Variants in DGKG observed in about 807,000 individuals in gnomAD.
The protein encoded by DGKG is DAG kinase gamma.
Under a neutral mutation model 105.3 loss-of-function variants are expected in DGKG, and 78 were observed. The observed-to-expected ratio is 0.74, with a 90% confidence interval of 0.62 to 0.89. The LOEUF (loss-of-function observed/expected upper bound fraction) is 0.89. Among genes scored for constraint, DGKG ranks in the 40% least tolerant of loss-of-function variants. DGKG has a pLI of 0.00. For synonymous variants in DGKG, 346 were observed against 367.1 expected (o/e 0.94, Z 0.66); for missense variants, 958 against 1,020.1 (o/e 0.94, Z 0.83).
rs189768644 is a variant in DGKG, at chr3:186,323,428, T to C, written c.-248-2721A>G. Reference sequence around the variant, plus strand: ...AATATTGCTGTCCCTGTTTTGCGGATGAGAAAAAAATGAGGTTAGGTATTT... The same window carrying C: ...AATATTGCTGTCCCTGTTTTGCGGACGAGAAAAAAATGAGGTTAGGTATTT... On this transcript the variant is annotated intron_variant, in intron 1 of 24. Coordinates refer to ENST00000265022, the MANE Select transcript of DGKG (RefSeq NM_001346.3). 4.2e-3 allele frequency among the ~76,000 whole-genome samples: 639 copies of C among 152,254 alleles called. 5 individuals are homozygous for C. Among genetic ancestry groups the C allele is most frequent in the African/African-American group, 0.015 (614 of 41,532 alleles).
chr3:186,195,661 T>C (rs1043726177), intron 21 of DGKG, among the ~76,000 whole-genome samples: 3 of 152,220 alleles, frequency 2.0e-5, no homozygotes. Flanking sequence ...ACCCCCTTCT[T>C]GGTGATGCTG....
chr3:186,262,527 C>T (rs1254063713), intron 14 of DGKG, among the ~76,000 whole-genome samples: 2 of 152,196 alleles, frequency 1.3e-5, no homozygotes, highest in African/African-American at 4.8e-5. Flanking sequence ...TCCCAGGACA[C>T]CAGGTCAGCC....
chr3:186,355,292 C>T (rs149200836), intron 1 of DGKG, among the ~76,000 whole-genome samples: 47 of 78,612 alleles, frequency 6.0e-4, no homozygotes, highest in African/African-American at 1.3e-3. Context: ...TCATCATCAC[C>T]ACCATTATTG....
intron 5 of DGKG, among the ~76,000 whole-genome samples, chr3:186,294,868 T>G (rs1723475425): frequency 6.6e-6 from 1 of 152,200 alleles, no homozygotes; most frequent in South Asian, 2.1e-4. Flanking sequence ...AGCAATTTTG[T>G]GGAGTCTTGG....
At chr3:186,337,099 A>C (rs773072921) in intron 1 of DGKG, among the ~76,000 whole-genome samples, 5 of 152,238 alleles carry the variant, frequency 3.3e-5, no homozygotes, top group Non-Finnish European at 5.9e-5. Flanking sequence ...ATTCCAGAGC[A>C]TAGAAAAATA....
intron 20 of DGKG, among the ~76,000 whole-genome samples, chr3:186,239,284 G>T (rs561430861): frequency 6.6e-6 from 1 of 152,290 alleles, no homozygotes; most frequent in African/African-American, 2.4e-5. Flanking sequence ...GTCCAAACCT[G>T]GGCAGTAATG....
chr3:186,320,615 G>C lies in DGKG; in HGVS notation c.-156C>G, dbSNP rs1042231989. 5 of 1,240,522 alleles carry C rather than the reference G, an allele frequency of 4.0e-6. No individual in the cohort carries two copies. The highest frequency in any genetic ancestry group is 4.4e-6 in the Non-Finnish European group (4 of 914,246). The allele number at this position is 1,240,522 out of a possible 1,614,324, so 76.8% of individuals were successfully genotyped here. A position where few individuals can be genotyped will look rare whatever the true frequency, so the allele number is the denominator to read the frequency against. On this transcript the variant is annotated 5_prime_UTR_variant, in exon 2 of 25. Transcript: ENST00000265022. ...ACTCAAGTGTATACAGCAGCAGCAG[G>C]CACCTCTCAGAAGATGAGACAAGAT...
intron 11 of DGKG, 83 bp from the exon 12 acceptor site, chr3:186,269,000 AG>A: frequency 2.1e-6 from 2 of 963,766 alleles, no homozygotes; most frequent in South Asian, 2.7e-5. Flanking sequence ...AGGATCTGGG[AG>A]GGGACGCGGG....
At chr3:186,195,276 G>GCAAAACAAAAAAAAA (rs1041013150) in intron 21 of DGKG, among the ~76,000 whole-genome samples, 2 of 140,398 alleles carry the variant, frequency 1.4e-5, no homozygotes, top group African/African-American at 5.0e-5. Context: ...CTAGTTTATA[G>GCAAAACAAAAAAAAA]CAAAACAAAA....
chr3:186,218,413 A>C (rs1345330455), intron 20 of DGKG, among the ~76,000 whole-genome samples: 2 of 148,446 alleles, frequency 1.3e-5, no homozygotes, highest in African/African-American at 2.5e-5. Context: ...CTGAGGCAGG[A>C]GAATCTCTTG....
intron 1 of DGKG, among the ~76,000 whole-genome samples, chr3:186,346,767 C>T (rs767759150): frequency 1.3e-5 from 2 of 152,114 alleles, no homozygotes; most frequent in Non-Finnish European, 2.9e-5. Flanking sequence ...ATCAAAATAT[C>T]TCAATATTTC....
intron 20 of DGKG, among the ~76,000 whole-genome samples, chr3:186,212,625 A>G (rs1246343340): frequency 1.3e-5 from 2 of 152,062 alleles, no homozygotes; most frequent in Non-Finnish European, 2.9e-5. Flanking sequence ...GAAAAAAAAA[A>G]TCAATCAATG....
At chr3:186,310,290 C>CAAAAAAAAAAAAAAAA (rs886723244) in intron 2 of DGKG, among the ~76,000 whole-genome samples, 1 of 69,816 alleles carries the variant, frequency 1.4e-5, no homozygotes, top group East Asian at 3.4e-4. Flanking sequence ...AAAAAAAAAA[C>CAAAAAAAAAAAAAAAA]CACACACACA....
intron 5 of DGKG, among the ~76,000 whole-genome samples, chr3:186,297,010 A>C (rs1442982131): frequency 6.6e-6 from 1 of 151,470 alleles, no homozygotes; most frequent in Non-Finnish European, 1.5e-5. Flanking sequence ...TGGTAGAGTC[A>C]TCTGCACCTC....
In DGKG at chr3:186,294,587, C is replaced by A. The variant is rs557671954; in HGVS notation, c.373+2834G>T. On this transcript the variant is annotated intron_variant, in intron 5 of 24. Transcript: ENST00000265022. ...TAGGTAAATAATTTGGGGCAGGATGCTTTTTACCACTGAGTTTCTTGCTGG... is the reference window on the plus strand; with the variant it reads ...TAGGTAAATAATTTGGGGCAGGATGATTTTTACCACTGAGTTTCTTGCTGG... 3.4e-4 allele frequency among the ~76,000 whole-genome samples: 52 copies of A among 150,760 alleles called. 1 individual carries two copies. The highest frequency in any genetic ancestry group is 1.2e-3 in the African/African-American group (49 of 41,078).
intron 23 of DGKG, among the ~76,000 whole-genome samples, chr3:186,162,672 T>G (rs1305350602): frequency 6.6e-6 from 1 of 151,914 alleles, no homozygotes; most frequent in African/African-American, 2.4e-5. Context: ...CCCGAGTAAC[T>G]GGGACTATAG....
chr3:186,202,785 C>T (rs1294277290), intron 21 of DGKG, among the ~76,000 whole-genome samples: 3 of 152,188 alleles, frequency 2.0e-5, no homozygotes, highest in Non-Finnish European at 2.9e-5. Flanking sequence ...CAACTTTGGT[C>T]TTCTGAGACT....
intron 20 of DGKG, among the ~76,000 whole-genome samples, chr3:186,232,798 C>A (rs561769204): frequency 3.9e-5 from 6 of 152,204 alleles, no homozygotes. Flanking sequence ...ATGACTTACA[C>A]CCTATTTAAT....
At position 186,343,834 on chromosome 3, in the gene DGKG, T is replaced by G. The variant is rs569557150; in HGVS notation, c.-249+18112A>C. ...AAATTTCAAATTTGTTTTAGCTCTTTTTGTCTTTTTTTCACTTAGCAGTAT... is the reference window on the plus strand; with the variant it reads ...AAATTTCAAATTTGTTTTAGCTCTTGTTGTCTTTTTTTCACTTAGCAGTAT... On this transcript the variant is annotated intron_variant, in intron 1 of 24. Transcript: ENST00000265022. 9.3e-4 allele frequency among the ~76,000 whole-genome samples: 141 copies of G among 152,346 alleles called. 1 individual carries two copies. The highest frequency in any genetic ancestry group is 3.1e-3 in the African/African-American group (128 of 41,576).
Sources: allele counts gnomAD v4.1 joint callset (sites outside exome capture counted in the v4.1 genomes callset), GRCh38; gene constraint gnomAD v4.1.1; transcripts MANE v1.5; gene names NCBI Gene and HGNC (gene_info 2026-07-23, HGNC 2026-07-21).